The following ZBTB20 variants were observed in gnomAD, a reference collection of about 807,000 sequenced individuals.
ZBTB20 encodes zinc finger and BTB domain-containing protein 20.
ZBTB20 carries 9 observed loss-of-function variants against 56.9 expected under a neutral mutation model. That is an observed-to-expected ratio of 0.16 (90% CI 0.10 to 0.28). The LOEUF (loss-of-function observed/expected upper bound fraction) is 0.28, where lower values mean the gene tolerates loss of function less well. ZBTB20 is among the 10% of genes least tolerant of loss of function. The pLI is 1.00. For missense variants in ZBTB20, 655 were observed against 1,003.0 expected, an observed-to-expected ratio of 0.65 and a Z score of 4.69; for synonymous variants, 417 against 420.7, an observed-to-expected ratio of 0.99 and a Z score of 0.11.
chr3:114,538,374 C>A (rs1475387849), intron 6 of ZBTB20, among the ~76,000 whole-genome samples: 1 of 152,134 alleles, frequency 6.6e-6, no homozygotes, highest in African/African-American at 2.4e-5. Flanking sequence ...TATATAGTAT[C>A]TGTGGTCCTT....
intron 7 of ZBTB20, among the ~76,000 whole-genome samples, chr3:114,456,246 A>C (rs941408320): frequency 6.6e-6 from 1 of 152,028 alleles, no homozygotes; most frequent in Non-Finnish European, 1.5e-5. Context: ...TTTGAATGCT[A>C]GGAACAAGGG....
intron 7 of ZBTB20, among the ~76,000 whole-genome samples, chr3:114,418,126 C>T (rs1017122503): frequency 3.9e-5 from 5 of 128,998 alleles, no homozygotes; most frequent in Non-Finnish European, 5.0e-5. Flanking sequence ...GAAGGATCAA[C>T]CTTGATTAGT....
intron 7 of ZBTB20, among the ~76,000 whole-genome samples, chr3:114,450,469 G>C (rs568807674): frequency 6.6e-6 from 1 of 152,218 alleles, no homozygotes; most frequent in South Asian, 2.1e-4. Flanking sequence ...GCTTAAAGGG[G>C]TGGAATAAAT....
At chr3:115,096,617 C>A (rs2083388274) in intron 1 of ZBTB20, among the ~76,000 whole-genome samples, 1 of 152,172 alleles carries the variant, frequency 6.6e-6, no homozygotes, top group Non-Finnish European at 1.5e-5. Context: ...CACTAGTTAG[C>A]AATATTAGCC....
At chr3:114,918,433 T>C (rs1176666672) in intron 3 of ZBTB20, among the ~76,000 whole-genome samples, 1 of 151,696 alleles carries the variant, frequency 6.6e-6, no homozygotes. Context: ...GCAGAAGTAG[T>C]CTCTCCCTGT....
rs1339205497 is a variant in ZBTB20, at chr3:114,318,534, G to A, written c.*20471C>T. 1 of 152,248 alleles carries A rather than the reference G, an allele frequency of 6.6e-6. No individual in the cohort carries two copies. Among genetic ancestry groups the A allele is most frequent in the African/African-American group, 2.4e-5 (1 of 41,460 alleles). The allele number at this position is 152,248 out of a possible 1,614,324, so 9.4% of individuals were successfully genotyped here. On this transcript the variant is annotated 3_prime_UTR_variant, in exon 12 of 12. Transcript: ENST00000675478. ...ATGGGAAAGTGTGGTTGCCCACTGAGAGGGTGAAGTCCCACTCACATTTTA... is the reference window on the plus strand; with the variant it reads ...ATGGGAAAGTGTGGTTGCCCACTGAAAGGGTGAAGTCCCACTCACATTTTA...
At chr3:114,689,024 G>A (rs1022555279) in intron 6 of ZBTB20, among the ~76,000 whole-genome samples, 1 of 152,140 alleles carries the variant, frequency 6.6e-6, no homozygotes, top group Non-Finnish European at 1.5e-5. Context: ...TATTCTCTAG[G>A]TAAGAGGAGA....
chr3:114,605,532 C>T (rs778882270), intron 6 of ZBTB20, among the ~76,000 whole-genome samples: 52 of 152,132 alleles, frequency 3.4e-4, no homozygotes, highest in Admixed American at 6.6e-4. Context: ...CTGTGTATTT[C>T]GCTAACATTA....
intron 4 of ZBTB20, among the ~76,000 whole-genome samples, chr3:114,819,210 A>G (rs2073108884): frequency 6.6e-6 from 1 of 151,986 alleles, no homozygotes; most frequent in Admixed American, 6.6e-5. Flanking sequence ...ATAAAAAGAT[A>G]CAATCTATTT....
intron 7 of ZBTB20, among the ~76,000 whole-genome samples, chr3:114,430,345 T>C (rs557932125): frequency 1.2e-3 from 181 of 152,308 alleles, no homozygotes; most frequent in African/African-American, 4.1e-3. Context: ...CAAGATTGTG[T>C]TTTGAGCAGA....
intron 10 of ZBTB20, among the ~76,000 whole-genome samples, chr3:114,376,980 T>G (rs1025051078): frequency 1.3e-5 from 2 of 152,204 alleles, no homozygotes; most frequent in South Asian, 2.1e-4. Flanking sequence ...ATCACATGTA[T>G]ATGACTGTGA....
intron 2 of ZBTB20, among the ~76,000 whole-genome samples, chr3:114,988,237 C>A (rs1320430130): frequency 1.4e-5 from 2 of 145,210 alleles, no homozygotes; most frequent in Non-Finnish European, 3.0e-5. Context: ...CTAATGCTAC[C>A]CCTCCCTCCC....
At chr3:114,731,472 T>C (rs918126630) in intron 5 of ZBTB20, among the ~76,000 whole-genome samples, 5 of 152,224 alleles carry the variant, frequency 3.3e-5, no homozygotes, top group Non-Finnish European at 5.9e-5. Context: ...TTTCTATGTA[T>C]CTGGACTCAT....
At chr3:114,640,967 T>C (rs187159350) in intron 6 of ZBTB20, among the ~76,000 whole-genome samples, 1 of 152,000 alleles carries the variant, frequency 6.6e-6, no homozygotes, top group African/African-American at 2.4e-5. Flanking sequence ...TGAAATAAAG[T>C]TCTTTGAAGC....
At chr3:114,769,552 CATAT>C (rs6148023) in intron 5 of ZBTB20, among the ~76,000 whole-genome samples, 1,184 of 116,314 alleles carry the variant, frequency 0.01, 7 homozygotes, top group African/African-American at 0.021. Flanking sequence ...TGCCAAAATG[CATAT>C]ATATATATAT....
chr3:115,020,412 T>G (rs2080156710), intron 2 of ZBTB20, among the ~76,000 whole-genome samples: 1 of 151,062 alleles, frequency 6.6e-6, no homozygotes, highest in East Asian at 1.9e-4. Context: ...TTTCAGATCT[T>G]TGCAAATGAT....
At position 114,327,464 on chromosome 3, in the gene ZBTB20, G is replaced by A. The variant is rs974361601; in HGVS notation, c.*11541C>T. On this transcript the variant is annotated 3_prime_UTR_variant, in exon 12 of 12. Transcript: ENST00000675478. ...CTTTAAGAAAAAAAAAATACCAGGA[G>A]TTAGAATGGACAAAGAAAAAGAAGG... The A allele has an allele frequency of 6.6e-5, 10 of 152,062 alleles. No homozygotes were observed. The highest frequency in any genetic ancestry group is 1.5e-5 in the Non-Finnish European group (1 of 68,010). The allele number at this position is 152,062 out of a possible 1,614,324, so 9.4% of individuals were successfully genotyped here.
At chr3:114,802,675 C>T (rs1241701039) in intron 4 of ZBTB20, among the ~76,000 whole-genome samples, 1 of 151,826 alleles carries the variant, frequency 6.6e-6, no homozygotes, top group Non-Finnish European at 1.5e-5. Flanking sequence ...ACAAAAATAA[C>T]TTGTGCTCAG....
rs147024674 is a variant in ZBTB20 at position 114,925,574 on chromosome 3, T to A, written c.-455-25232A>T. 7.1e-3 allele frequency among the ~76,000 whole-genome samples: 1,076 copies of A among 152,298 alleles called. 14 individuals carry two copies. The highest frequency in any genetic ancestry group is 0.023 in the African/African-American group (953 of 41,562). On this transcript the variant is annotated intron_variant, in intron 3 of 11. Coordinates refer to ENST00000675478, the MANE Select transcript of ZBTB20 (RefSeq NM_001348800.3). ...ACGGAGTCTTGCTCTGTTGCCAGGC[T>A]GGAGTGCAGTGGCACGATCTTGGTT...
Sources: allele counts gnomAD v4.1 joint callset (sites outside exome capture counted in the v4.1 genomes callset), GRCh38; gene constraint gnomAD v4.1.1; transcripts MANE v1.5; gene names NCBI Gene and HGNC (gene_info 2026-07-23, HGNC 2026-07-21).